CD2AP: variants seen among roughly 807,000 people sequenced by gnomAD.
The protein encoded by CD2AP is CD2-associated protein.
In CD2AP, 46 loss-of-function variants were observed where a neutral mutation model predicts 85.1. The observed-to-expected ratio is 0.54, with a 90% CI of 0.43 to 0.69. The LOEUF (loss-of-function observed/expected upper bound fraction) is 0.69. Ranked by LOEUF, CD2AP falls within the 30% of genes least tolerant of loss-of-function variation. The pLI is 0.00. For missense variants in CD2AP, 769 were observed against 729.5 expected, an observed-to-expected ratio of 1.05 and a Z score of -0.62; for synonymous variants, 255 against 252.9, an observed-to-expected ratio of 1.01 and a Z score of -0.08.
intron 17 of CD2AP, among the ~76,000 whole-genome samples, chr6:47,622,648 T>G (rs893689727): frequency 2.6e-5 from 4 of 152,180 alleles, no homozygotes; most frequent in African/African-American, 9.6e-5. Context: ...GAGGAGGGTC[T>G]CCCTTTCTCA....
intron 17 of CD2AP, among the ~76,000 whole-genome samples, chr6:47,622,529 AC>A (rs1176886064): frequency 2.7e-5 from 4 of 150,908 alleles, no homozygotes; most frequent in Non-Finnish European, 4.4e-5. Flanking sequence ...TGCTTCCTCT[AC>A]CCCCCTTGTA....
At chr6:47,576,408 T>C in intron 6 of CD2AP, 116 bp from the exon 7 acceptor site, 1 of 761,970 alleles carries the variant, frequency 1.3e-6, no homozygotes, top group Non-Finnish European at 2.3e-6. Flanking sequence ...GTCACATTAC[T>C]ATCCTAGCTA....
At chr6:47,578,014 A>C (rs1768359096) in intron 8 of CD2AP, among the ~76,000 whole-genome samples, 1 of 148,706 alleles carries the variant, frequency 6.7e-6, no homozygotes, top group Non-Finnish European at 1.5e-5. Context: ...AAGCAAATTG[A>C]CATCTGTCAT....
intron 5 of CD2AP, among the ~76,000 whole-genome samples, chr6:47,556,400 T>A (rs202056941): frequency 1.4e-5 from 2 of 147,430 alleles, no homozygotes; most frequent in African/African-American, 5.0e-5. Flanking sequence ...TTTTTTTTTT[T>A]AATTTTGTTT....
chr6:47,562,563 A>G, intron 5 of CD2AP: 2 of 328,860 alleles, frequency 6.1e-6, no homozygotes, highest in Non-Finnish European at 1.1e-5. Context: ...CAAGTCTTGC[A>G]TAAGCAAAAG....
chr6:47,578,428 G>A (rs1562040950), intron 8 of CD2AP, among the ~76,000 whole-genome samples: 1 of 152,104 alleles, frequency 6.6e-6, no homozygotes, highest in African/African-American at 2.4e-5. Context: ...CCAGGCTGGT[G>A]TTGCAAACTC....
At chr6:47,574,621 A>T (rs1368718551) in intron 6 of CD2AP, among the ~76,000 whole-genome samples, 1 of 149,814 alleles carries the variant, frequency 6.7e-6, no homozygotes, top group African/African-American at 2.4e-5. Context: ...TTTGAATTAG[A>T]CCTAAAATGG....
At chr6:47,529,452 C>T (rs1015796661) in intron 2 of CD2AP, among the ~76,000 whole-genome samples, 3 of 152,022 alleles carry the variant, frequency 2.0e-5, no homozygotes, top group African/African-American at 4.8e-5. Flanking sequence ...GTGTGCCTTG[C>T]GATGGAATGG....
Position 47,609,174 on chromosome 6 carries a change from G to C in CD2AP, c.1684G>C (p.Ala562Pro). 6.2e-7 allele frequency: 1 copy of C among 1,613,272 alleles called. No individual in the cohort carries two copies. The highest frequency in any genetic ancestry group is 8.5e-7 in the Non-Finnish European group (1 of 1,179,640). The change falls in exon 16 of 18, where the codon GCT becomes CCT. Residue 562 changes from alanine to proline, a missense_variant. Physicochemically the swap from Ala to Pro is conservative, Grantham distance 27 (BLOSUM62 -1). Transcript: ENST00000359314. ...PSSASKANTT[A>P]FLTPLEIKAK... ...CAGTGCTTCTAAAGCAAATACAACTGCTTTCCTGACTCCATTAGAAATCAA... is the reference window on the plus strand; with the variant it reads ...CAGTGCTTCTAAAGCAAATACAACTCCTTTCCTGACTCCATTAGAAATCAA...
In CD2AP at chr6:47,595,116, T is replaced by TGAAA. The variant is rs551308235; in HGVS notation, c.1109-742_1109-739dup. On this transcript the variant is annotated intron_variant, in intron 11 of 17. Coordinates refer to ENST00000359314, the MANE Select transcript of CD2AP (RefSeq NM_012120.3). ...ATTTTAATACCTATTTATGAGCACC[T>TGAAA]GAAAGATCAGGAAGCAGGTATGTCA... Among the ~76,000 whole-genome samples the TGAAA allele has an allele frequency of 3.3e-5, 5 of 152,166 alleles. No individual in the cohort carries two copies. In the East Asian group the frequency reaches 9.7e-4, roughly 29 times the overall value.
intron 3 of CD2AP, among the ~76,000 whole-genome samples, chr6:47,535,437 T>C (rs1767012402): frequency 6.6e-6 from 1 of 152,184 alleles, no homozygotes; most frequent in Non-Finnish European, 1.5e-5. Flanking sequence ...TATGTCTCAG[T>C]CTATTACTTT....
intron 11 of CD2AP, among the ~76,000 whole-genome samples, chr6:47,588,827 G>A (rs1768698352): frequency 6.6e-6 from 1 of 152,048 alleles, no homozygotes; most frequent in South Asian, 2.1e-4. Flanking sequence ...AGAAAAGAGA[G>A]GAAAACCTCT....
At chr6:47,622,330 C>T (rs564491961) in intron 17 of CD2AP, among the ~76,000 whole-genome samples, 2 of 152,136 alleles carry the variant, frequency 1.3e-5, no homozygotes, top group South Asian at 4.2e-4. Flanking sequence ...CCAGATTTGC[C>T]GCCCTACCCA....
chr6:47,593,154 G>C (rs1768848276), intron 11 of CD2AP, among the ~76,000 whole-genome samples: 1 of 152,136 alleles, frequency 6.6e-6, no homozygotes, highest in South Asian at 2.1e-4. Context: ...CCACACATTT[G>C]GTGTCTCAGA....
At chr6:47,589,534 A>G (rs1248642346) in intron 11 of CD2AP, among the ~76,000 whole-genome samples, 2 of 138,354 alleles carry the variant, frequency 1.4e-5, no homozygotes, top group Non-Finnish European at 3.1e-5. Flanking sequence ...ATATATACAC[A>G]TATGTACACA....
At chr6:47,569,321 A>C (rs1420296084) in intron 5 of CD2AP, among the ~76,000 whole-genome samples, 6 of 152,122 alleles carry the variant, frequency 3.9e-5, no homozygotes, top group Admixed American at 6.6e-5. Flanking sequence ...CATTATGGCT[A>C]TTATGATTAG....
intron 1 of CD2AP, among the ~76,000 whole-genome samples, chr6:47,489,738 G>GT (rs1765675258): frequency 6.6e-6 from 1 of 152,050 alleles, no homozygotes; most frequent in African/African-American, 2.4e-5. Context: ...CAAGTCAGAG[G>GT]TAAGATGTGG....
At chr6:47,491,503 T>C (rs1163293975) in intron 1 of CD2AP, among the ~76,000 whole-genome samples, 1 of 152,118 alleles carries the variant, frequency 6.6e-6, no homozygotes, top group Non-Finnish European at 1.5e-5. Context: ...TGATATAATA[T>C]AGAGAAGGTT....
chr6:47,495,290 G>A (rs909946148), intron 1 of CD2AP, among the ~76,000 whole-genome samples: 3 of 152,130 alleles, frequency 2.0e-5, no homozygotes, highest in African/African-American at 4.8e-5. Flanking sequence ...AGATGGAGAC[G>A]TAACAGTGGA....
Sources: gnomAD v4.1 joint callset for allele counts (sites outside exome capture counted in the v4.1 genomes callset) on GRCh38, gnomAD v4.1.1 for gene constraint, MANE v1.5 for transcripts, NCBI Gene and HGNC (gene_info 2026-07-23, HGNC 2026-07-21) for gene names.